MYLK4: variants seen among roughly 807,000 people sequenced by gnomAD.
MYLK4 encodes the protein myosin light chain kinase family member 4.
A neutral mutation model predicts 48.1 loss-of-function variants in MYLK4; 46 were observed. The observed-to-expected ratio is 0.96, with a 90% confidence interval of 0.75 to 1.22. The LOEUF is 1.22. MYLK4 is among the 50% of genes most tolerant of loss of function. MYLK4 has a pLI of 0.00. For synonymous variants in MYLK4, 170 were observed against 180.8 expected, an observed-to-expected ratio of 0.94 and a Z score of 0.48; for missense variants, 451 against 486.1, an observed-to-expected ratio of 0.93 and a Z score of 0.68.
chr6:2,720,840 T>C (rs1183754232), intron 2 of MYLK4, among the ~76,000 whole-genome samples: 1 of 151,970 alleles, frequency 6.6e-6, no homozygotes, highest in Non-Finnish European at 1.5e-5. Flanking sequence ...AACATCCAAA[T>C]ATTAATAATA....
the MYLK4 span, among the ~76,000 whole-genome samples, chr6:2,763,176 G>A: frequency 6.6e-6 from 1 of 152,202 alleles, no homozygotes; most frequent in Non-Finnish European, 1.5e-5. Flanking sequence ...CAAACCTTGA[G>A]CTAGATACAG....
chr6:2,714,536 G>A (rs890012027), intron 2 of MYLK4, among the ~76,000 whole-genome samples: 1 of 152,164 alleles, frequency 6.6e-6, no homozygotes, highest in Non-Finnish European at 1.5e-5. Flanking sequence ...TCTTTCCTGG[G>A]CATAGCCCCA....
chr6:2,727,510 A>T (rs1411498552), intron 2 of MYLK4, among the ~76,000 whole-genome samples: 1 of 152,222 alleles, frequency 6.6e-6, no homozygotes, highest in Non-Finnish European at 1.5e-5. Context: ...CTCTTCATAG[A>T]AAATGACAGT....
chr6:2,688,983 A>C (rs6930915), intron 3 of MYLK4, 27 bp from the exon 4 acceptor site: 665,828 of 1,592,446 alleles, frequency 0.42, 141,352 homozygotes, highest in African/African-American at 0.6. Context: ...ACAGAAGGGC[A>C]ATCTGTCAAG....
the MYLK4 span, chr6:2,768,890 A>G: frequency 1.7e-5 from 27 of 1,602,498 alleles, no homozygotes; most frequent in Non-Finnish European, 5.1e-6. Flanking sequence ...CAGGTATATT[A>G]ACTTCCTTCT....
Position 2,685,595 on chromosome 6 carries a change from G to C in MYLK4, c.342-19C>G. ...ACGCCCTCTGCCAAAAAGAGGAAGC[G>C]GCGTAGCATGAGGCCCTGTGGTCAG... On this transcript the variant is annotated intron_variant, in intron 4 of 12. Coordinates refer to ENST00000274643, the MANE Select transcript of MYLK4 (RefSeq NM_001012418.5). This position sits in a 1 kb window ranked among gnomAD's most constrained non-coding sequence, Gnocchi z 4.5. 4 of 1,612,486 alleles carry C rather than the reference G, an allele frequency of 2.5e-6. No homozygotes were observed. The highest frequency in any genetic ancestry group is 2.2e-5 in the East Asian group (1 of 44,890).
At chr6:2,732,755 A>G (rs1301109685) in intron 2 of MYLK4, among the ~76,000 whole-genome samples, 1 of 151,932 alleles carries the variant, frequency 6.6e-6, no homozygotes, top group Admixed American at 6.6e-5. Context: ...GAAAATCTAG[A>G]GGGTTTGCAG....
At chr6:2,738,528 T>C (rs1174526555) in intron 2 of MYLK4, among the ~76,000 whole-genome samples, 1 of 152,242 alleles carries the variant, frequency 6.6e-6, no homozygotes, top group African/African-American at 2.4e-5. Flanking sequence ...TAGCTTAAAA[T>C]GCTGGGACTT....
In MYLK4 at chr6:2,749,345, C is replaced by T. The variant is rs765167785; in HGVS notation, c.-51G>A. The T allele has an allele frequency of 6.9e-7, 1 of 1,448,320 alleles. No homozygotes were observed. Among genetic ancestry groups the T allele is most frequent in the South Asian group, 1.2e-5 (1 of 83,648 alleles). 89.7% of individuals were successfully genotyped at this position (1,448,320 alleles called of 1,614,324 possible). A position where few individuals can be genotyped will look rare whatever the true frequency, so the allele number is the denominator to read the frequency against. ...CTTTCTGGAGTGTGGTTTTCGTCTCCCTCTGTCTCCGATTTATAAATCAGG... is the reference window on the plus strand; with the variant it reads ...CTTTCTGGAGTGTGGTTTTCGTCTCTCTCTGTCTCCGATTTATAAATCAGG... On this transcript the variant is annotated 5_prime_UTR_variant, in exon 2 of 13. Coordinates refer to ENST00000274643, the MANE Select transcript of MYLK4 (RefSeq NM_001012418.5).
At chr6:2,713,961 T>C (rs1262516124) in intron 2 of MYLK4, among the ~76,000 whole-genome samples, 3 of 152,210 alleles carry the variant, frequency 2.0e-5, no homozygotes, top group African/African-American at 7.2e-5. Context: ...GATAACACCT[T>C]ATACCCATTA....
chr6:2,738,269 T>C (rs1763770172), intron 2 of MYLK4, among the ~76,000 whole-genome samples: 1 of 152,220 alleles, frequency 6.6e-6, no homozygotes. Flanking sequence ...TTTAGTGAAA[T>C]GTCAGTTCCA....
intron 2 of MYLK4, among the ~76,000 whole-genome samples, chr6:2,706,232 A>C (rs759327123): frequency 3.3e-5 from 5 of 152,158 alleles, no homozygotes; most frequent in Non-Finnish European, 7.3e-5. Flanking sequence ...TGATGTTTAG[A>C]AGAGTAGGCA....
intron 2 of MYLK4, among the ~76,000 whole-genome samples, chr6:2,701,947 T>C (rs1276441047): frequency 2.0e-5 from 3 of 152,238 alleles, no homozygotes; most frequent in Non-Finnish European, 2.9e-5. Flanking sequence ...TATTTACATC[T>C]TGCCTCCATC....
intron 9 of MYLK4, among the ~76,000 whole-genome samples, 175 bp downstream of exon 9, chr6:2,679,105 A>G (rs921440092): frequency 3.2e-4 from 48 of 152,196 alleles, no homozygotes; most frequent in African/African-American, 1.2e-3. Flanking sequence ...ATGTGCAGGG[A>G]AAGAATTCAC....
chr6:2,709,206 G>A (rs1397184624), intron 2 of MYLK4, among the ~76,000 whole-genome samples: 4 of 152,170 alleles, frequency 2.6e-5, no homozygotes, highest in African/African-American at 9.6e-5. Context: ...TCCAAAATTC[G>A]GTCTTTATTT....
the MYLK4 span, among the ~76,000 whole-genome samples, chr6:2,763,345 A>G: frequency 1.3e-5 from 2 of 152,234 alleles, no homozygotes; most frequent in Non-Finnish European, 2.9e-5. Context: ...TGCATTGCTC[A>G]GCTCTGGGGT....
the MYLK4 span, chr6:2,766,531 G>C: frequency 1.4e-6 from 2 of 1,416,212 alleles, no homozygotes; most frequent in Non-Finnish European, 1.9e-6. Context: ...TGCTGCCCTC[G>C]AAAGAAGCCG....
chr6:2,708,221 A>C (rs1005856042), intron 2 of MYLK4, among the ~76,000 whole-genome samples: 3 of 152,246 alleles, frequency 2.0e-5, no homozygotes, highest in African/African-American at 7.2e-5. Context: ...CTGAATCTAC[A>C]AACATATTCA....
At position 2,682,929 on chromosome 6, in the gene MYLK4, C is replaced by A. The variant is rs1761365936; in HGVS notation, c.687+92G>T. The A allele has an allele frequency of 8.5e-6, 12 of 1,409,702 alleles. No homozygotes were observed. In the Admixed American group the frequency reaches 8.7e-5, roughly 10 times the overall value. The allele number at this position is 1,409,702 out of a possible 1,614,324, so 87.3% of individuals were successfully genotyped here. A position where few individuals can be genotyped will look rare whatever the true frequency, so the allele number is the denominator to read the frequency against. On this transcript the variant is annotated intron_variant, in intron 7 of 12. Coordinates refer to ENST00000274643, the MANE Select transcript of MYLK4 (RefSeq NM_001012418.5). ...TTATTCATTTCTGAAATGACTGTAC[C>A]AATTTCCCCAGCTGGCATATAATAG... is the stretch of plus-strand genomic sequence containing the variant.
Sources: gnomAD v4.1 joint callset for allele counts (sites outside exome capture counted in the v4.1 genomes callset) on GRCh38, gnomAD v4.1.1 for gene constraint, Gnocchi (gnomAD v3.1) non-coding constraint, MANE v1.5 for transcripts, NCBI Gene and HGNC (gene_info 2026-07-23, HGNC 2026-07-21) for gene names.